ITGBL1: variants seen among roughly 807,000 people sequenced by gnomAD.
The protein encoded by ITGBL1 is integrin subunit beta like 1.
ITGBL1 carries 51 observed loss-of-function variants against 68.5 expected under a neutral mutation model. That is an observed-to-expected ratio of 0.74 (90% CI 0.59 to 0.94). The LOEUF is 0.94. Ranked by LOEUF, ITGBL1 falls within the 40% of genes least tolerant of loss-of-function variation. The pLI is 0.00. For synonymous variants in ITGBL1, 209 were observed against 227.3 expected (o/e 0.92, Z 0.72); for missense variants, 649 against 647.4 (o/e 1.00, Z -0.03).
At chr13:101,492,682 C>A (rs1465835500) in intron 2 of ITGBL1, among the ~76,000 whole-genome samples, 2 of 152,126 alleles carry the variant, frequency 1.3e-5, no homozygotes, top group Non-Finnish European at 2.9e-5. Context: ...TTTTCCTTTT[C>A]TTTCCCTTGC....
chr13:101,557,818 C>T (rs563761205), intron 2 of ITGBL1, among the ~76,000 whole-genome samples: 26 of 152,064 alleles, frequency 1.7e-4, no homozygotes, highest in African/African-American at 5.1e-4. Flanking sequence ...GGGCCGGGCA[C>T]GGTGGCTCAT....
chr13:101,667,049 C>T (rs961905765), intron 7 of ITGBL1, among the ~76,000 whole-genome samples: 2 of 152,160 alleles, frequency 1.3e-5, no homozygotes, highest in African/African-American at 4.8e-5. Flanking sequence ...TGTCGCTCTC[C>T]AGAGATTAAT....
intron 7 of ITGBL1, among the ~76,000 whole-genome samples, chr13:101,631,593 A>G (rs889666311): frequency 2.0e-5 from 3 of 152,170 alleles, no homozygotes; most frequent in Non-Finnish European, 2.9e-5. Context: ...AAAGATGTCA[A>G]ATGAGCTAAC....
At position 101,666,970 on chromosome 13, in the gene ITGBL1, G is replaced by A. The variant is rs3783220; in HGVS notation, c.1016-25615G>A. ...ATGAAATAAAGGAATCTTGTGCCAC[G>A]TACACTTGTGAAAGCAAAACGATTT... On this transcript the variant is annotated intron_variant, in intron 7 of 10. Transcript: ENST00000376180. Among the ~76,000 whole-genome samples, 64 of 152,308 alleles carry A rather than the reference G, an allele frequency of 4.2e-4. 1 individual carries two copies. In the East Asian group the frequency reaches 6.4e-3, roughly 15 times the overall value.
chr13:101,631,043 A>T (rs1290565812), intron 7 of ITGBL1, among the ~76,000 whole-genome samples: 1 of 152,142 alleles, frequency 6.6e-6, no homozygotes, highest in Non-Finnish European at 1.5e-5. Context: ...CTCTTCTTGG[A>T]GATGTTCAGC....
chr13:101,525,400 G>C (rs1286498101), intron 2 of ITGBL1, among the ~76,000 whole-genome samples: 4 of 151,976 alleles, frequency 2.6e-5, no homozygotes, highest in African/African-American at 7.2e-5. Context: ...TATAAAAAAA[G>C]TTAGTTGGGG....
chr13:101,649,522 T>C (rs1019871703), intron 7 of ITGBL1, among the ~76,000 whole-genome samples: 9 of 152,294 alleles, frequency 5.9e-5, no homozygotes, highest in South Asian at 4.1e-4. Flanking sequence ...TTTAAAAATA[T>C]TGTCAAGGTA....
At chr13:101,714,655 C>T (rs111382410) in intron 10 of ITGBL1, 104 bp downstream of exon 10, 65 of 721,182 alleles carry the variant, frequency 9.0e-5, no homozygotes, top group African/African-American at 4.7e-4. Context: ...CAGGGCCAAC[C>T]GTGAATATGA....
chr13:101,543,589 G>A (rs547112076), intron 2 of ITGBL1, among the ~76,000 whole-genome samples: 261 of 152,122 alleles, frequency 1.7e-3, no homozygotes, highest in Non-Finnish European at 1.8e-3. Context: ...TATTTCCTGA[G>A]TTTGAATGTT....
chr13:101,643,080 G>GTT (rs1471156436), intron 7 of ITGBL1, among the ~76,000 whole-genome samples: 1 of 146,876 alleles, frequency 6.8e-6, no homozygotes, highest in African/African-American at 2.6e-5. Flanking sequence ...CTTTAAAGTA[G>GTT]TTTTTTCCAA....
Position 101,598,410 on chromosome 13 carries a change from G to T in ITGBL1, c.1015+111G>T, listed in dbSNP as rs571524942. On this transcript the variant is annotated intron_variant, in intron 7 of 10. Coordinates refer to ENST00000376180, the MANE Select transcript of ITGBL1 (RefSeq NM_004791.3). Reference sequence around the variant, plus strand: ...TTTGTTTTTTGTTTTCTGCTTTTTGGTTTTTTTGTTTTTTATTTTTTTATT... The same window carrying T: ...TTTGTTTTTTGTTTTCTGCTTTTTGTTTTTTTTGTTTTTTATTTTTTTATT... 1.5e-4 allele frequency: 118 copies of T among 804,188 alleles called. 1 individual carries two copies. The highest frequency in any genetic ancestry group is 2.3e-4 in the Admixed American group (6 of 25,866). The allele number at this position is 804,188 out of a possible 1,614,324, so 49.8% of individuals were successfully genotyped here. A position where few individuals can be genotyped will look rare whatever the true frequency, so the allele number is the denominator to read the frequency against.
intron 7 of ITGBL1, among the ~76,000 whole-genome samples, chr13:101,690,787 G>A (rs2033866412): frequency 6.6e-6 from 1 of 152,120 alleles, no homozygotes; most frequent in African/African-American, 2.4e-5. Context: ...GGAAGTCATG[G>A]ATCCTTCTGA....
intron 2 of ITGBL1, among the ~76,000 whole-genome samples, chr13:101,535,118 C>G (rs575826749): frequency 6.6e-6 from 1 of 152,072 alleles, no homozygotes; most frequent in Non-Finnish European, 1.5e-5. Flanking sequence ...AGAGGCTTTT[C>G]TTTCTCTGCT....
chr13:101,667,802 T>C (rs2033258813), intron 7 of ITGBL1, among the ~76,000 whole-genome samples: 1 of 152,074 alleles, frequency 6.6e-6, no homozygotes, highest in Non-Finnish European at 1.5e-5. Context: ...GTATGTTGTA[T>C]ATACATAATA....
chr13:101,487,099 T>C (rs532786640), intron 2 of ITGBL1, among the ~76,000 whole-genome samples: 355 of 152,340 alleles, frequency 2.3e-3, no homozygotes, highest in Non-Finnish European at 4.5e-3. Flanking sequence ...ATCTTATCAT[T>C]TGTTACTATA....
At chr13:101,546,290 C>T (rs567311803) in intron 2 of ITGBL1, among the ~76,000 whole-genome samples, 10 of 152,032 alleles carry the variant, frequency 6.6e-5, no homozygotes, top group East Asian at 5.8e-4. Context: ...TTTTCATTGT[C>T]GAGGTGGTGG....
chr13:101,682,268 A>G (rs1046442449), intron 7 of ITGBL1, among the ~76,000 whole-genome samples: 1 of 152,196 alleles, frequency 6.6e-6, no homozygotes, highest in Non-Finnish European at 1.5e-5. Context: ...TATAAAGGTC[A>G]CAAGCTACTC....
chr13:101,473,439 C>T (rs2139646989), intron 2 of ITGBL1, among the ~76,000 whole-genome samples: 1 of 152,290 alleles, frequency 6.6e-6, no homozygotes, highest in South Asian at 2.1e-4. Context: ...TCAGCTGATG[C>T]CTACAGACAG....
intron 2 of ITGBL1, among the ~76,000 whole-genome samples, chr13:101,480,999 GAT>G (rs755132113): frequency 2.8e-4 from 36 of 127,646 alleles, no homozygotes; most frequent in Non-Finnish European, 4.2e-4. Context: ...AATGCCAAAA[GAT>G]ATGTGTGTGT....
Sources: allele counts gnomAD v4.1 joint callset (sites outside exome capture counted in the v4.1 genomes callset), GRCh38; gene constraint gnomAD v4.1.1; transcripts MANE v1.5; gene names NCBI Gene and HGNC (gene_info 2026-07-23, HGNC 2026-07-21).